Variants in BMP2K observed in about 807,000 individuals in gnomAD.
BMP2K encodes the protein BMP2 inducible kinase.
Under a neutral mutation model 116.0 loss-of-function variants are expected in BMP2K, and 74 were observed. That is an observed-to-expected ratio of 0.64 (90% CI 0.53 to 0.77). The LOEUF is 0.77. Ranked by LOEUF, BMP2K falls within the 30% of genes least tolerant of loss-of-function variation. The probability of loss-of-function intolerance (pLI) is 0.00; values close to 1 mark genes in which losing one functional copy is unlikely to be tolerated. For missense variants in BMP2K, 1,365 were observed against 1,403.6 expected, an observed-to-expected ratio of 0.97 and a Z score of 0.44; for synonymous variants, 486 against 502.5, an observed-to-expected ratio of 0.97 and a Z score of 0.44.
chr4:78,792,093 C>T (rs1454903862), intron 1 of BMP2K, among the ~76,000 whole-genome samples: 1 of 152,302 alleles, frequency 6.6e-6, no homozygotes, highest in Non-Finnish European at 1.5e-5. Flanking sequence ...TTCTCTACAT[C>T]CTTGTCTCAC....
chr4:78,872,217 CAT>C (rs71216238), intron 12 of BMP2K: 42,795 of 298,880 alleles, frequency 0.14, 3,603 homozygotes, highest in South Asian at 0.26. Context: ...TCTTTCGTCA[CAT>C]GTCTCTTTCA....
At chr4:78,840,292 TTTA>T (rs1730696482) in intron 3 of BMP2K, among the ~76,000 whole-genome samples, 1 of 152,226 alleles carries the variant, frequency 6.6e-6, no homozygotes, top group South Asian at 2.1e-4. Context: ...TTTATTTTTA[TTTA>T]TTTATTTTTT....
At chr4:78,811,307 A>G (rs1729076781) in intron 1 of BMP2K, among the ~76,000 whole-genome samples, 2 of 152,238 alleles carry the variant, frequency 1.3e-5, no homozygotes, top group African/African-American at 4.8e-5. Context: ...AGAGGGTAGG[A>G]CAGTAAACCC....
At chr4:78,802,983 G>A (rs1728643989) in intron 1 of BMP2K, among the ~76,000 whole-genome samples, 2 of 152,028 alleles carry the variant, frequency 1.3e-5, no homozygotes, top group African/African-American at 4.8e-5. Context: ...CCAAGTTGCT[G>A]GGATTACAGG....
intron 1 of BMP2K, among the ~76,000 whole-genome samples, chr4:78,783,019 A>G (rs1727579573): frequency 6.6e-6 from 1 of 152,240 alleles, no homozygotes; most frequent in African/African-American, 2.4e-5. Flanking sequence ...ATCTCTTCAT[A>G]ACTATGAGTG....
chr4:78,786,529 C>T (rs1727740881), intron 1 of BMP2K, among the ~76,000 whole-genome samples: 1 of 151,462 alleles, frequency 6.6e-6, no homozygotes, highest in Admixed American at 6.6e-5. Flanking sequence ...GAGCTACTGG[C>T]CTCAAGCAGT....
intron 15 of BMP2K, among the ~76,000 whole-genome samples, chr4:78,893,385 G>T (rs1365381843): frequency 6.6e-6 from 1 of 152,146 alleles, no homozygotes; most frequent in Non-Finnish European, 1.5e-5. Flanking sequence ...ATCCATGAGG[G>T]TTGGAGTCAA....
At chr4:78,886,387 C>T (rs916309860) in intron 14 of BMP2K, among the ~76,000 whole-genome samples, 2 of 152,176 alleles carry the variant, frequency 1.3e-5, no homozygotes, top group East Asian at 1.9e-4. Context: ...TCCTCAATTC[C>T]TGTTTCCCTG....
chr4:78,872,530 G>C, intron 12 of BMP2K, 84 bp from the exon 13 acceptor site: 2 of 1,247,772 alleles, frequency 1.6e-6, no homozygotes, highest in Non-Finnish European at 2.2e-6. Flanking sequence ...CAATGTGAAA[G>C]GAAGGAACAT....
At chr4:78,851,819 G>C (rs984369829) in intron 7 of BMP2K, among the ~76,000 whole-genome samples, 3 of 152,002 alleles carry the variant, frequency 2.0e-5, no homozygotes, top group Non-Finnish European at 4.4e-5. Context: ...TATAAGAGTA[G>C]AATGTGGAAT....
At chr4:78,852,938 C>A (rs1224818240) in intron 7 of BMP2K, among the ~76,000 whole-genome samples, 1 of 152,010 alleles carries the variant, frequency 6.6e-6, no homozygotes, top group Non-Finnish European at 1.5e-5. Context: ...CAAATGTGGC[C>A]TTTTGTGTCT....
chr4:78,811,909 C>A (rs1463437471), intron 1 of BMP2K, among the ~76,000 whole-genome samples: 1 of 152,134 alleles, frequency 6.6e-6, no homozygotes, highest in Non-Finnish European at 1.5e-5. Context: ...ATAACTGTTA[C>A]TGAAGTTCTA....
intron 10 of BMP2K, among the ~76,000 whole-genome samples, chr4:78,868,821 G>A (rs1307896459): frequency 1.3e-5 from 2 of 152,206 alleles, no homozygotes; most frequent in African/African-American, 4.8e-5. Flanking sequence ...GATGCAAAAG[G>A]TGGGTTCCCA....
chr4:78,864,875 T>C (rs1010245164), intron 9 of BMP2K, among the ~76,000 whole-genome samples: 7 of 152,210 alleles, frequency 4.6e-5, no homozygotes, highest in African/African-American at 1.7e-4. Context: ...CTTTTTTGTT[T>C]TTTAAAAAAA....
chr4:78,877,010 C>T (rs1732664413), intron 13 of BMP2K, among the ~76,000 whole-genome samples: 1 of 151,874 alleles, frequency 6.6e-6, no homozygotes, highest in Non-Finnish European at 1.5e-5. Flanking sequence ...TGTATCTAAA[C>T]ATAGAAAAGG....
chr4:78,858,248 G>A (rs940120476), intron 7 of BMP2K, among the ~76,000 whole-genome samples: 20 of 151,862 alleles, frequency 1.3e-4, no homozygotes, highest in Non-Finnish European at 4.4e-5. Flanking sequence ...CCCATTTTGT[G>A]TACTGTTGTT....
intron 1 of BMP2K, among the ~76,000 whole-genome samples, chr4:78,794,675 A>C (rs1245786651): frequency 1.3e-5 from 2 of 151,716 alleles, no homozygotes; most frequent in Non-Finnish European, 1.5e-5. Flanking sequence ...CGATCTTCCC[A>C]CCTCTGCTTC....
chr4:78,787,275 TAGAG>T (rs1282893496), intron 1 of BMP2K, among the ~76,000 whole-genome samples: 12 of 152,192 alleles, frequency 7.9e-5, no homozygotes, highest in Non-Finnish European at 1.6e-4. Context: ...AATAAGGAGA[TAGAG>T]ATATTTGTTA....
rs147788089 is a variant in BMP2K at position 78,862,557 on chromosome 4, G to C, written c.1067+1089G>C. On this transcript the variant is annotated intron_variant, in intron 9 of 15. Coordinates refer to ENST00000502613, the MANE Select transcript of BMP2K (RefSeq NM_198892.2). ...AGGAGTAGTGGGAAATGAAGCTGGA[G>C]AGGTAGATAAATGCCAATCATGAAC... is the stretch of plus-strand genomic sequence containing the variant. 1.2e-4 allele frequency among the ~76,000 whole-genome samples: 19 copies of C among 152,174 alleles called. No individual in the cohort carries two copies. In the East Asian group the frequency reaches 3.7e-3, roughly 29 times the overall value.
Sources: gnomAD v4.1 joint callset for allele counts (sites outside exome capture counted in the v4.1 genomes callset) on GRCh38, gnomAD v4.1.1 for gene constraint, MANE v1.5 for transcripts, NCBI Gene and HGNC (gene_info 2026-07-23, HGNC 2026-07-21) for gene names.